Variants in ZDHHC14 observed in about 807,000 individuals in gnomAD.
ZDHHC14 encodes palmitoyltransferase ZDHHC14.
Under a neutral mutation model 47.7 loss-of-function variants are expected in ZDHHC14, and 16 were observed. The ratio of observed to expected loss-of-function variants is 0.34; its 90% confidence interval spans 0.23 to 0.51. The LOEUF is 0.51. ZDHHC14 is among the 20% of genes least tolerant of loss of function. ZDHHC14 has a pLI of 0.97. For missense variants in ZDHHC14, 515 were observed against 662.5 expected (o/e 0.78, Z 2.44); for synonymous variants, 293 against 278.9 (o/e 1.05, Z -0.50).
intron 3 of ZDHHC14, among the ~76,000 whole-genome samples, chr6:157,605,593 G>A (rs1349984109): frequency 6.6e-6 from 1 of 152,200 alleles, no homozygotes; most frequent in Non-Finnish European, 1.5e-5. Context: ...GAACTGGAAG[G>A]CAGCCTCCCA....
At chr6:157,458,323 G>GT (rs1344597368) in intron 1 of ZDHHC14, among the ~76,000 whole-genome samples, 1 of 152,162 alleles carries the variant, frequency 6.6e-6, no homozygotes, top group East Asian at 1.9e-4. Flanking sequence ...AGCAGAGAGT[G>GT]TTGCAGTTCG....
At chr6:157,532,961 A>G (rs1218619618) in intron 1 of ZDHHC14, among the ~76,000 whole-genome samples, 2 of 152,222 alleles carry the variant, frequency 1.3e-5, no homozygotes, top group Admixed American at 1.3e-4. Flanking sequence ...ATATTTCTCT[A>G]CTACAAAAAT....
Position 157,580,712 on chromosome 6 carries a change from T to TTTTG in ZDHHC14, c.407-12275_407-12274insTTGT, listed in dbSNP as rs112978484. Among the ~76,000 whole-genome samples the TTTTG allele has an allele frequency of 4.0e-5, 6 of 148,794 alleles. No individual in the cohort carries two copies. The East Asian group carries it at 1.2e-3, about 29-fold the overall frequency. On this transcript the variant is annotated intron_variant, in intron 2 of 8. Transcript: ENST00000359775. ...TAGTACTGTCTGGGTTTTTTGTGTT[T>TTTTG]TGTGTGTGTGTGTGTGTGTGTGTTT...
intron 3 of ZDHHC14, among the ~76,000 whole-genome samples, chr6:157,608,460 A>G (rs933606707): frequency 6.6e-5 from 10 of 152,134 alleles, no homozygotes; most frequent in Non-Finnish European, 1.0e-4. Flanking sequence ...AAGATGCCCA[A>G]CCTGGAGGAA....
At chr6:157,465,124 T>G (rs1307228105) in intron 1 of ZDHHC14, among the ~76,000 whole-genome samples, 15 of 150,842 alleles carry the variant, frequency 9.9e-5, no homozygotes, top group Non-Finnish European at 1.8e-4. Flanking sequence ...TTTTTTTTTT[T>G]TTTTACATTT....
At chr6:157,553,655 A>G (rs62425047) in intron 2 of ZDHHC14, among the ~76,000 whole-genome samples, 71,471 of 151,282 alleles carry the variant, frequency 0.47, 17,053 homozygotes, top group Middle Eastern at 0.55. Flanking sequence ...GCTGGGGGGA[A>G]ATACAGCCTG....
chr6:157,566,613 A>C (rs1782912003), intron 2 of ZDHHC14, among the ~76,000 whole-genome samples: 1 of 152,162 alleles, frequency 6.6e-6, no homozygotes, highest in African/African-American at 2.4e-5. Context: ...GCTGGACACC[A>C]AGCGGGAGGT....
At chr6:157,456,082 G>T (rs181135280) in intron 1 of ZDHHC14, among the ~76,000 whole-genome samples, 48 of 152,212 alleles carry the variant, frequency 3.2e-4, no homozygotes, top group Admixed American at 7.9e-4. Flanking sequence ...TGCAGATTGC[G>T]CCCTCCGTTA....
At chr6:157,564,675 G>A (rs1439389756) in intron 2 of ZDHHC14, among the ~76,000 whole-genome samples, 1 of 152,200 alleles carries the variant, frequency 6.6e-6, no homozygotes, top group African/African-American at 2.4e-5. Context: ...TCTTAAATCT[G>A]TCAGCCCTTA....
rs919288049 is a variant in ZDHHC14, at chr6:157,676,392, G to A, written c.*3270G>A. The A allele has an allele frequency of 2.0e-5, 3 of 152,424 alleles. No individual in the cohort carries two copies. The highest frequency in any genetic ancestry group is 1.3e-4 in the Admixed American group (2 of 15,288). 9.4% of individuals were successfully genotyped at this position (152,424 alleles called of 1,614,324 possible). A position where few individuals can be genotyped will look rare whatever the true frequency, so the allele number is the denominator to read the frequency against. On this transcript the variant is annotated 3_prime_UTR_variant, in exon 9 of 9. Transcript: ENST00000359775. ...TTCTGGCCCAGAATGGCACAAGGGAGGAGTCTTTGCAGAGTTCCACGCCAC... is the reference window on the plus strand; with the variant it reads ...TTCTGGCCCAGAATGGCACAAGGGAAGAGTCTTTGCAGAGTTCCACGCCAC...
intron 2 of ZDHHC14, among the ~76,000 whole-genome samples, chr6:157,568,178 T>C (rs1446552675): frequency 6.6e-6 from 1 of 152,256 alleles, no homozygotes; most frequent in African/African-American, 2.4e-5. Context: ...CCAATTTCTT[T>C]TGCAAATGTT....
intron 2 of ZDHHC14, among the ~76,000 whole-genome samples, chr6:157,549,172 C>T (rs1782115175): frequency 6.6e-6 from 1 of 152,242 alleles, no homozygotes; most frequent in Admixed American, 6.5e-5. Flanking sequence ...ATGCTTGGCT[C>T]CCTGGAGCAG....
chr6:157,459,477 G>C (rs562789379), intron 1 of ZDHHC14, among the ~76,000 whole-genome samples: 5 of 152,294 alleles, frequency 3.3e-5, no homozygotes, highest in South Asian at 2.1e-4. Flanking sequence ...AAGACACCTT[G>C]TATTGTGTGA....
intron 1 of ZDHHC14, among the ~76,000 whole-genome samples, chr6:157,426,531 G>T (rs769193042): frequency 1.3e-5 from 2 of 152,160 alleles, no homozygotes; most frequent in Non-Finnish European, 2.9e-5. Context: ...GGGGCACTCA[G>T]GGGGAGAAGC....
chr6:157,484,291 G>GTATATATATATA (rs1779707289), intron 1 of ZDHHC14, among the ~76,000 whole-genome samples: 4 of 87,202 alleles, frequency 4.6e-5, no homozygotes, highest in Non-Finnish European at 4.9e-5. Context: ...ATATATATAT[G>GTATATATATATA]TGTATATATA....
chr6:157,442,759 T>C (rs367798925), intron 1 of ZDHHC14, among the ~76,000 whole-genome samples: 36 of 152,348 alleles, frequency 2.4e-4, no homozygotes, highest in African/African-American at 8.4e-4. Context: ...CAATTTGCTC[T>C]TCTCCTTCTG....
At chr6:157,479,751 G>T (rs1165688670) in intron 1 of ZDHHC14, among the ~76,000 whole-genome samples, 1 of 152,220 alleles carries the variant, frequency 6.6e-6, no homozygotes, top group Non-Finnish European at 1.5e-5. Context: ...AAGTAGAGTT[G>T]TGCAAAAACA....
intron 3 of ZDHHC14, among the ~76,000 whole-genome samples, chr6:157,600,492 G>A (rs567962925): frequency 4.6e-5 from 7 of 152,248 alleles, no homozygotes; most frequent in South Asian, 4.2e-4. Context: ...TGCAACCTCC[G>A]CCTCCCAGAT....
At chr6:157,435,187 G>A (rs752800007) in intron 1 of ZDHHC14, among the ~76,000 whole-genome samples, 29 of 152,310 alleles carry the variant, frequency 1.9e-4, no homozygotes, top group Non-Finnish European at 3.2e-4. Flanking sequence ...GGGAAACTGG[G>A]GCTCTGTGAA....
Sources: gnomAD v4.1 joint callset for allele counts (sites outside exome capture counted in the v4.1 genomes callset) on GRCh38, gnomAD v4.1.1 for gene constraint, MANE v1.5 for transcripts, NCBI Gene and HGNC (gene_info 2026-07-23, HGNC 2026-07-21) for gene names.